Variants in SMCHD1 observed in about 807,000 individuals in gnomAD.
The protein encoded by SMCHD1 is structural maintenance of chromosomes flexible hinge domain-containing protein 1.
Under a neutral mutation model 254.7 loss-of-function variants are expected in SMCHD1, and 78 were observed. That is an observed-to-expected ratio of 0.31 (90% CI 0.26 to 0.37). SMCHD1 has a LOEUF of 0.37. Ranked by LOEUF, SMCHD1 falls within the 10% of genes least tolerant of loss-of-function variation. The pLI, the probability that SMCHD1 is intolerant of heterozygous loss-of-function variation, is 1.00. For missense variants in SMCHD1, 1,840 were observed against 2,408.1 expected (o/e 0.76, Z 4.94); for synonymous variants, 766 against 794.9 (o/e 0.96, Z 0.61).
At chr18:2,712,584 A>G (rs1192143938) in intron 17 of SMCHD1, among the ~76,000 whole-genome samples, 3 of 152,184 alleles carry the variant, frequency 2.0e-5, no homozygotes, top group African/African-American at 4.8e-5. Flanking sequence ...CAGGAGTTGT[A>G]TGTGCAGATT....
At chr18:2,702,340 A>C (rs916942515) in intron 12 of SMCHD1, 1 of 151,908 alleles carries the variant, frequency 6.6e-6, no homozygotes, top group East Asian at 1.9e-4. Context: ...AGAAAAGTTG[A>C]AAGAATATTA....
intron 29 of SMCHD1, among the ~76,000 whole-genome samples, chr18:2,745,247 G>A (rs1240976511): frequency 6.6e-6 from 1 of 152,082 alleles, no homozygotes; most frequent in Non-Finnish European, 1.5e-5. Flanking sequence ...TTGAGCTCCT[G>A]GGCCCAGGCA....
intron 5 of SMCHD1, among the ~76,000 whole-genome samples, chr18:2,677,475 C>T (rs952979163): frequency 6.6e-6 from 1 of 152,102 alleles, no homozygotes; most frequent in African/African-American, 2.4e-5. Context: ...ATAAAATTCA[C>T]AGTATTAAAG....
chr18:2,683,380 C>T (rs1363021983), intron 5 of SMCHD1, among the ~76,000 whole-genome samples: 1 of 152,072 alleles, frequency 6.6e-6, no homozygotes, highest in African/African-American at 2.4e-5. Context: ...TGGTATTTAA[C>T]CTGTGGATTG....
At chr18:2,754,181 C>CT (rs372752150) in intron 34 of SMCHD1, among the ~76,000 whole-genome samples, 1 of 152,206 alleles carries the variant, frequency 6.6e-6, no homozygotes. Context: ...TGTTAATCAT[C>CT]TTTTTTATAG....
At chr18:2,741,243 C>G (rs2075344904) in intron 28 of SMCHD1, among the ~76,000 whole-genome samples, 1 of 152,090 alleles carries the variant, frequency 6.6e-6, no homozygotes, top group African/African-American at 2.4e-5. Context: ...TTCATGTTAG[C>G]TTAAAAAATA....
chr18:2,739,856 G>A lies in SMCHD1; in HGVS notation c.3514+336G>A, dbSNP rs192700677. 1.4e-3 allele frequency among the ~76,000 whole-genome samples: 208 copies of A among 152,216 alleles called. 4 individuals are homozygous for A. In the South Asian group the frequency reaches 0.029, roughly 21 times the overall value. On this transcript the variant is annotated intron_variant, in intron 27 of 47. Transcript: ENST00000320876. ...TCCCAGTTACCCAGGAGGCTGAGGC[G>A]AGGGGATTGCCTGAGCCAAGGGGTT...
At chr18:2,724,001 T>C (rs1247932515) in intron 20 of SMCHD1, among the ~76,000 whole-genome samples, 1 of 151,812 alleles carries the variant, frequency 6.6e-6, no homozygotes, top group African/African-American at 2.4e-5. Context: ...CTCTGCTTCC[T>C]TTCCGTTTTT....
chr18:2,662,605 A>G (rs1261903764), intron 1 of SMCHD1, among the ~76,000 whole-genome samples: 1 of 145,366 alleles, frequency 6.9e-6, no homozygotes, highest in Non-Finnish European at 1.5e-5. Flanking sequence ...AGATCGTGCC[A>G]TTGCACTCCA....
chr18:2,767,790 C>G (rs574019151), intron 37 of SMCHD1, among the ~76,000 whole-genome samples: 5 of 151,830 alleles, frequency 3.3e-5, no homozygotes, highest in African/African-American at 1.2e-4. Context: ...AGGGTTTCAC[C>G]ATGTTGGCCA....
intron 1 of SMCHD1, among the ~76,000 whole-genome samples, chr18:2,658,268 G>A (rs1261456193): frequency 6.6e-6 from 1 of 152,032 alleles, no homozygotes; most frequent in Non-Finnish European, 1.5e-5. Flanking sequence ...TTTCCCTCTC[G>A]TGAGATGTCT....
intron 5 of SMCHD1, among the ~76,000 whole-genome samples, chr18:2,684,473 C>T (rs1393969992): frequency 6.6e-6 from 1 of 152,096 alleles, no homozygotes; most frequent in Non-Finnish European, 1.5e-5. Context: ...TTTCCAACCT[C>T]TTAACCTATT....
Position 2,744,039 on chromosome 18 carries a change from AGTT to A in SMCHD1, c.3801+115_3801+117del, listed in dbSNP as rs1337209920. On this transcript the variant is annotated intron_variant, in intron 29 of 47. Coordinates refer to ENST00000320876, the MANE Select transcript of SMCHD1 (RefSeq NM_015295.3). ...TTTTGTTGCTGAAGTAACAACTAAC[AGTT>A]GTTAACAGTAAAAATAACAAAAAAG... 3.4e-6 allele frequency: 3 copies of A among 892,126 alleles called. No individual in the cohort carries two copies. In the African/African-American group the frequency reaches 5.0e-5, roughly 15 times the overall value. The allele number at this position is 892,126 out of a possible 1,614,324, so 55.3% of individuals were successfully genotyped here.
At chr18:2,757,379 T>C (rs895054881) in intron 34 of SMCHD1, among the ~76,000 whole-genome samples, 1 of 150,364 alleles carries the variant, frequency 6.7e-6, no homozygotes, top group Non-Finnish European at 1.5e-5. Flanking sequence ...CCCAGCTAAT[T>C]TTTTTTTTTA....
intron 45 of SMCHD1, among the ~76,000 whole-genome samples, chr18:2,786,024 T>C (rs1165355161): frequency 6.6e-6 from 1 of 152,190 alleles, no homozygotes. Flanking sequence ...ATTTTTTATT[T>C]TTTATTTTTT....
chr18:2,752,733 G>A (rs955257739), intron 34 of SMCHD1, 181 bp downstream of exon 34: 5 of 516,446 alleles, frequency 9.7e-6, no homozygotes, highest in African/African-American at 2.0e-5. Flanking sequence ...GCATTAAATT[G>A]GTTTTAAGCT....
chr18:2,778,045 A>G, intron 43 of SMCHD1, 124 bp from the exon 44 acceptor site: 1 of 986,402 alleles, frequency 1.0e-6, no homozygotes, highest in Non-Finnish European at 1.5e-6. Context: ...GTTTTTTTAG[A>G]GTACAAATAA....
intron 17 of SMCHD1, among the ~76,000 whole-genome samples, chr18:2,709,701 A>G (rs146059353): frequency 1.3e-5 from 2 of 152,136 alleles, no homozygotes; most frequent in Non-Finnish European, 2.9e-5. Context: ...GCTAATTGCC[A>G]TCTGTATATC....
intron 17 of SMCHD1, among the ~76,000 whole-genome samples, chr18:2,708,525 T>C: frequency 6.6e-6 from 1 of 151,892 alleles, no homozygotes; most frequent in African/African-American, 2.4e-5. Flanking sequence ...AGTAAGACCC[T>C]GTCTCTAAAA....
Sources: allele counts gnomAD v4.1 joint callset (sites outside exome capture counted in the v4.1 genomes callset), GRCh38; gene constraint gnomAD v4.1.1; transcripts MANE v1.5; gene names NCBI Gene and HGNC (gene_info 2026-07-23, HGNC 2026-07-21).